The following GOLGA4 variants were observed in gnomAD, a reference collection of about 807,000 sequenced individuals.
The protein encoded by GOLGA4 is golgin subfamily A member 4.
In GOLGA4, 169 loss-of-function variants were observed where a neutral mutation model predicts 265.9. That is an observed-to-expected ratio of 0.64 (90% confidence interval 0.56 to 0.72). The LOEUF (loss-of-function observed/expected upper bound fraction) is 0.72, where lower values mean the gene tolerates loss of function less well. GOLGA4 is among the 30% of genes least tolerant of loss of function. The probability of loss-of-function intolerance (pLI) is 0.00; values close to 1 mark genes in which losing one functional copy is unlikely to be tolerated. For missense variants in GOLGA4, 2,482 were observed against 2,483.4 expected, an observed-to-expected ratio of 1.00 and a Z score of 0.01; for synonymous variants, 923 against 855.8, an observed-to-expected ratio of 1.08 and a Z score of -1.37.
rs762262536 is a variant in GOLGA4, at chr3:37,328,284, T to TCACA, written c.5940-131_5940-130insACAC. ...CACACACACACTCACTCTCACACTC[T>TCACA]CTCTCTCTCTCTCTCTCAAAAATGT... On this transcript the variant is annotated intron_variant, in intron 14 of 23. Transcript: ENST00000361924. 3,201 of 367,132 alleles carry TCACA rather than the reference T, an allele frequency of 8.7e-3. 9 individuals carry two copies. The highest frequency in any genetic ancestry group is 0.014 in the Non-Finnish European group (2,470 of 181,812). The allele number at this position is 367,132 out of a possible 1,614,324, so 22.7% of individuals were successfully genotyped here.
intron 2 of GOLGA4, among the ~76,000 whole-genome samples, chr3:37,278,764 G>A (rs948651101): frequency 1.3e-5 from 2 of 150,940 alleles, no homozygotes; most frequent in Non-Finnish European, 2.9e-5. Flanking sequence ...TTACATATAT[G>A]ATCTCATTAA....
At position 37,325,991 on chromosome 3, in the gene GOLGA4, A is replaced by T; in HGVS notation, c.4105A>T (p.Ile1369Phe). The T allele has an allele frequency of 6.2e-7, 1 of 1,613,066 alleles. No individual in the cohort carries two copies. The highest frequency in any genetic ancestry group is 8.5e-7 in the Non-Finnish European group (1 of 1,179,402). ...KEELKEKKVEISSLSKQLTDL... is the reference protein window; with the variant it reads ...KEELKEKKVEFSSLSKQLTDL... ...AGAGCTTAAAGAAAAAAAAGTTGAG[A>T]TTAGCAGTCTTAGTAAACAACTAAC... The change falls in exon 14 of 24, where the codon ATT becomes TTT. Residue 1369 changes from isoleucine to phenylalanine, a missense_variant. Physicochemically the swap from Ile to Phe is conservative, Grantham distance 21. Transcript: ENST00000361924.
intron 8 of GOLGA4, 98 bp downstream of exon 8, chr3:37,299,118 G>T: frequency 9.0e-7 from 1 of 1,110,330 alleles, no homozygotes; most frequent in East Asian, 2.4e-5. Context: ...AGAGTGGATG[G>T]AAAGGGCATT....
chr3:37,280,840 G>A (rs989321264), intron 2 of GOLGA4, among the ~76,000 whole-genome samples: 5 of 152,132 alleles, frequency 3.3e-5, no homozygotes, highest in African/African-American at 4.8e-5. Context: ...TGATAAATTT[G>A]TGTGTATGAA....
chr3:37,300,485 G>GT (rs367546310), intron 9 of GOLGA4, among the ~76,000 whole-genome samples: 3,610 of 145,056 alleles, frequency 0.025, 112 homozygotes, highest in African/African-American at 0.08. Flanking sequence ...TACTTAAATT[G>GT]TTTTTTTTTT....
intron 21 of GOLGA4, among the ~76,000 whole-genome samples, chr3:37,351,021 T>A (rs1031686235): frequency 2.0e-5 from 3 of 152,122 alleles, no homozygotes; most frequent in South Asian, 4.1e-4. Flanking sequence ...CAGTTGACAC[T>A]TCCTTTCATG....
intron 20 of GOLGA4, among the ~76,000 whole-genome samples, chr3:37,345,139 G>A (rs1423134715): frequency 6.6e-6 from 1 of 152,244 alleles, no homozygotes; most frequent in Non-Finnish European, 1.5e-5. Context: ...GAATCCAGGA[G>A]GTTGAAGCTG....
At chr3:37,266,718 A>G (rs1333968525) in intron 2 of GOLGA4, 3 of 336,340 alleles carry the variant, frequency 8.9e-6, no homozygotes, top group Non-Finnish European at 1.8e-5. Context: ...TGATGGTGGT[A>G]CTGAAGGCCA....
chr3:37,291,883 G>T (rs1417722576), intron 5 of GOLGA4, among the ~76,000 whole-genome samples: 5 of 146,426 alleles, frequency 3.4e-5, no homozygotes, highest in East Asian at 3.9e-4. Flanking sequence ...GAATTTGTTG[G>T]TTTTTTTTTT....
Position 37,258,687 on chromosome 3 carries a change from A to G in GOLGA4, c.162+7203A>G, listed in dbSNP as rs1057326401. ...ATTTATTTTATGTTTCAAGGCTTAT[A>G]TGGCTTAAAGGCATCGTTTTAGGGA... is the stretch of plus-strand genomic sequence containing the variant. On this transcript the variant is annotated intron_variant, in intron 2 of 23. Transcript: ENST00000361924. Among the ~76,000 whole-genome samples, 4 of 152,172 alleles carry G rather than the reference A, an allele frequency of 2.6e-5. No homozygotes were observed. In the East Asian group the frequency reaches 5.8e-4, roughly 22 times the overall value.
intron 10 of GOLGA4, among the ~76,000 whole-genome samples, chr3:37,309,819 C>T (rs2096918212): frequency 6.6e-6 from 1 of 152,158 alleles, no homozygotes; most frequent in Non-Finnish European, 1.5e-5. Flanking sequence ...CTTACATAGA[C>T]ACGTATTTGG....
chr3:37,321,800 G>A lies in GOLGA4; in HGVS notation c.1615G>A (p.Glu539Lys). 1 of 1,613,020 alleles carries A rather than the reference G, an allele frequency of 6.2e-7. No homozygotes were observed. Among genetic ancestry groups the A allele is most frequent in the Non-Finnish European group, 8.5e-7 (1 of 1,179,362 alleles). The change falls in exon 13 of 24, where the codon GAG becomes AAG. Residue 539 changes from glutamate (E) to lysine (K), a missense_variant. Physicochemically the swap from Glu to Lys is moderately conservative, Grantham distance 56 (BLOSUM62 1). Around this residue, in one of 3 missense-constraint regions of GOLGA4, gnomAD observed 1,536 missense variants for 1,483.7 expected, o/e 1.04. Coordinates refer to ENST00000361924, the MANE Select transcript of GOLGA4 (RefSeq NM_002078.5). ...KEQQESLALE[E>K]LELQKKAILT... is the part of the protein sequence containing the mutation. ...ACAGCAAGAATCTTTGGCCCTAGAA[G>A]AGTTAGAGTTGCAGAAAAAAGCAAT...
intron 7 of GOLGA4, among the ~76,000 whole-genome samples, chr3:37,296,496 T>C (rs1247884567): frequency 6.6e-6 from 1 of 152,222 alleles, no homozygotes; most frequent in Non-Finnish European, 1.5e-5. Context: ...GTGGTCCTAA[T>C]AGTTTCAGAA....
At chr3:37,350,599 T>C (rs919791270) in intron 21 of GOLGA4, among the ~76,000 whole-genome samples, 2 of 152,046 alleles carry the variant, frequency 1.3e-5, no homozygotes, top group Non-Finnish European at 2.9e-5. Flanking sequence ...AAAACTGAAA[T>C]GGTTACTACT....
intron 23 of GOLGA4, among the ~76,000 whole-genome samples, chr3:37,363,224 T>C (rs565516937): frequency 1.3e-5 from 2 of 152,206 alleles, no homozygotes; most frequent in Non-Finnish European, 2.9e-5. Flanking sequence ...GGCAGTACAA[T>C]GCATGGTTTT....
At chr3:37,276,561 T>A in intron 2 of GOLGA4, 1 of 1,596,256 alleles carries the variant, frequency 6.3e-7, no homozygotes. Flanking sequence ...ACATTTGTTG[T>A]CTGTAATGAA....
At chr3:37,295,353 G>C (rs2150837435) in intron 6 of GOLGA4, among the ~76,000 whole-genome samples, 1 of 152,136 alleles carries the variant, frequency 6.6e-6, no homozygotes, top group East Asian at 1.9e-4. Context: ...AGAGTGGCTG[G>C]GAATACAGGC....
chr3:37,266,668 CTTA>C (rs1394506335), intron 2 of GOLGA4, among the ~76,000 whole-genome samples: 1 of 152,066 alleles, frequency 6.6e-6, no homozygotes, highest in Non-Finnish European at 1.5e-5. Context: ...TTTCCAGCAG[CTTA>C]TTATTTCTGT....
intron 10 of GOLGA4, among the ~76,000 whole-genome samples, chr3:37,306,269 A>ATTTTG (rs2096905792): frequency 6.6e-6 from 1 of 152,184 alleles, no homozygotes; most frequent in Non-Finnish European, 1.5e-5. Context: ...ACAAAAAATA[A>ATTTTG]GTTTATTGGT....
Sources: gnomAD v4.1 joint callset for allele counts (sites outside exome capture counted in the v4.1 genomes callset) on GRCh38, gnomAD v4.1.1 for gene constraint, gnomAD v4.1.1 regional missense constraint, MANE v1.5 for transcripts, NCBI Gene and HGNC (gene_info 2026-07-23, HGNC 2026-07-21) for gene names.